The following NSG2 variants were observed in gnomAD, a reference collection of about 807,000 sequenced individuals.
The protein encoded by NSG2 is neuronal vesicle trafficking-associated protein 2.
In NSG2, 4 loss-of-function variants were observed where a neutral mutation model predicts 16.9. The ratio of observed to expected loss-of-function variants is 0.24; its 90% CI spans 0.12 to 0.54. The LOEUF is 0.54. NSG2 is among the 20% of genes least tolerant of loss of function. NSG2 has a pLI of 0.95. For synonymous variants in NSG2, 98 were observed against 88.7 expected, an observed-to-expected ratio of 1.11 and a Z score of -0.59; for missense variants, 179 against 221.1, an observed-to-expected ratio of 0.81 and a Z score of 1.21.
chr5:174,108,632 A>C lies in NSG2; in HGVS notation c.*1127A>C, dbSNP rs1161041450. The C allele has an allele frequency of 6.6e-6, 1 of 152,370 alleles. No homozygotes were observed. The highest frequency in any genetic ancestry group is 2.4e-5 in the African/African-American group (1 of 41,466). The allele number at this position is 152,370 out of a possible 1,614,324, so 9.4% of individuals were successfully genotyped here. A position where few individuals can be genotyped will look rare whatever the true frequency, so the allele number is the denominator to read the frequency against. ...AAGGGGACATTTGTCCAAACTCCCC[A>C]ACCGAGTTCTAGAAGCTCCTGACAA... is the stretch of plus-strand genomic sequence containing the variant. On this transcript the variant is annotated 3_prime_UTR_variant, in exon 5 of 5. Coordinates refer to ENST00000303177, the MANE Select transcript of NSG2 (RefSeq NM_015980.5).
intron 2 of NSG2, among the ~76,000 whole-genome samples, chr5:174,050,911 G>T (rs980786739): frequency 1.3e-5 from 2 of 152,020 alleles, no homozygotes; most frequent in African/African-American, 4.8e-5. Context: ...CCAGGGCTGT[G>T]CCTTGGTCCT....
At chr5:174,090,364 C>A (rs142692473) in intron 3 of NSG2, among the ~76,000 whole-genome samples, 1 of 152,322 alleles carries the variant, frequency 6.6e-6, no homozygotes, top group African/African-American at 2.4e-5. Context: ...TGGGCAACGT[C>A]CGCCAGGGAA....
intron 3 of NSG2, chr5:174,091,107 T>A (rs1760715296): frequency 6.6e-6 from 1 of 150,884 alleles, no homozygotes; most frequent in African/African-American, 2.4e-5. Flanking sequence ...GGAAGTAGCT[T>A]AATGGAACAA....
intron 2 of NSG2, among the ~76,000 whole-genome samples, chr5:174,061,076 A>G (rs1760042192): frequency 1.3e-5 from 2 of 152,192 alleles, no homozygotes; most frequent in Admixed American, 6.5e-5. Context: ...CTTGTGGCTC[A>G]TGCTGACCAA....
chr5:174,107,107 G>C lies in NSG2; in HGVS notation c.325-207G>C, dbSNP rs562865429. On this transcript the variant is annotated intron_variant, in intron 4 of 4. Transcript: ENST00000303177. This position sits in a 1 kb window ranked among gnomAD's most constrained non-coding sequence, Gnocchi z 4.5. Reference sequence around the variant, plus strand: ...TCAGTGTCAATATCAGGTTCAGGTCGTCTGGCTTCTTCTAAGTGGAGCTTT... The same window carrying C: ...TCAGTGTCAATATCAGGTTCAGGTCCTCTGGCTTCTTCTAAGTGGAGCTTT... Among the ~76,000 whole-genome samples, 2 of 152,128 alleles carry C rather than the reference G, an allele frequency of 1.3e-5. No individual in the cohort carries two copies. Among genetic ancestry groups the C allele is most frequent in the Non-Finnish European group, 2.9e-5 (2 of 68,026 alleles).
At chr5:174,067,250 T>C (rs1760157729) in intron 3 of NSG2, among the ~76,000 whole-genome samples, 1 of 152,210 alleles carries the variant, frequency 6.6e-6, no homozygotes, top group African/African-American at 2.4e-5. Context: ...CTTTTTCATA[T>C]CTATGTGAGA....
Position 174,061,717 on chromosome 5 carries a change from C to T in NSG2, c.130-2515C>T, listed in dbSNP as rs141159813. Among the ~76,000 whole-genome samples the T allele has an allele frequency of 6.7e-3, 1,017 of 152,230 alleles. 11 individuals are homozygous for T. Among genetic ancestry groups the T allele is most frequent in the African/African-American group, 0.024 (980 of 41,544 alleles). On this transcript the variant is annotated intron_variant, in intron 2 of 4. Coordinates refer to ENST00000303177, the MANE Select transcript of NSG2 (RefSeq NM_015980.5). The stretch of plus-strand genomic sequence containing the variant: ...CTCCCGGGTTCAAGTGATTCTCCTG[C>T]CTCAGCCTCCTGAGTAGCTGGGATT...
rs562692229 is a variant in NSG2 at position 174,066,947 on chromosome 5, G to A, written c.213+2632G>A. Reference sequence around the variant, plus strand: ...GGAGCTTGCAGTGAGCCGAGATCCCGCCACTGCACTCCAGCCTGGGCGACA... The same window carrying A: ...GGAGCTTGCAGTGAGCCGAGATCCCACCACTGCACTCCAGCCTGGGCGACA... On this transcript the variant is annotated intron_variant, in intron 3 of 4. Coordinates refer to ENST00000303177, the MANE Select transcript of NSG2 (RefSeq NM_015980.5). Among the ~76,000 whole-genome samples, 79 of 120,542 alleles carry A rather than the reference G, an allele frequency of 6.6e-4. No individual in the cohort carries two copies. In the East Asian group the frequency reaches 0.015, roughly 23 times the overall value. 79.1% of individuals were successfully genotyped at this position (120,542 alleles called of 152,430 possible).
chr5:174,063,524 TTTTATTTTA>T (rs1448034798), intron 2 of NSG2, among the ~76,000 whole-genome samples: 3 of 15,190 alleles, frequency 2.0e-4, no homozygotes, highest in African/African-American at 6.4e-4. Context: ...TAACTTTCTA[TTTTATTTTA>T]TTTTATTTTA....
At chr5:174,055,298 A>G (rs565735848) in intron 2 of NSG2, among the ~76,000 whole-genome samples, 5 of 152,322 alleles carry the variant, frequency 3.3e-5, no homozygotes, top group South Asian at 2.1e-4. Flanking sequence ...GCATTGCCAT[A>G]GAAGTGGGGA....
At position 174,103,041 on chromosome 5, in the gene NSG2, G is replaced by A. The variant is rs1363572486; in HGVS notation, c.214-1187G>A. The stretch of plus-strand genomic sequence containing the variant: ...TGACCTCAAGTGATCTTCCTACCTC[G>A]GCCTCCCAAAGTGCTGAGATTACAG... On this transcript the variant is annotated intron_variant, in intron 3 of 4. Transcript: ENST00000303177. 6.1e-5 allele frequency among the ~76,000 whole-genome samples: 9 copies of A among 148,250 alleles called. No homozygotes were observed. In the East Asian group the frequency reaches 9.9e-4, roughly 16 times the overall value.
chr5:174,101,436 C>A (rs915565923), intron 3 of NSG2, among the ~76,000 whole-genome samples: 1 of 152,162 alleles, frequency 6.6e-6, no homozygotes, highest in African/African-American at 2.4e-5. Context: ...AACCCTATAC[C>A]CCTTATCAGT....
At chr5:174,102,240 C>T (rs1054460512) in intron 3 of NSG2, among the ~76,000 whole-genome samples, 1 of 152,184 alleles carries the variant, frequency 6.6e-6, no homozygotes, top group African/African-American at 2.4e-5. Flanking sequence ...TCAAATTCCT[C>T]CCGTCCAGTA....
chr5:174,049,464 A>G (rs1759854493), intron 2 of NSG2, among the ~76,000 whole-genome samples: 1 of 152,062 alleles, frequency 6.6e-6, no homozygotes. Flanking sequence ...CACACACACA[A>G]TCACTCACAC....
intron 3 of NSG2, among the ~76,000 whole-genome samples, chr5:174,085,058 A>C (rs1262572531): frequency 1.3e-5 from 2 of 152,226 alleles, no homozygotes; most frequent in Non-Finnish European, 2.9e-5. Flanking sequence ...GCTGTGACTC[A>C]CCAGACCATC....
intron 3 of NSG2, among the ~76,000 whole-genome samples, chr5:174,066,584 A>G (rs941529398): frequency 2.6e-5 from 4 of 152,092 alleles, no homozygotes; most frequent in Admixed American, 6.5e-5. Flanking sequence ...TGTATATGAG[A>G]TACTTTCATC....
In NSG2 at chr5:174,108,979, CCCA is replaced by C. The variant is rs1410552085; in HGVS notation, c.*1475_*1477del. 2.0e-5 allele frequency: 3 copies of C among 152,802 alleles called. No individual in the cohort carries two copies. The highest frequency in any genetic ancestry group is 2.0e-4 in the Admixed American group (3 of 15,294). 9.5% of individuals were successfully genotyped at this position (152,802 alleles called of 1,614,324 possible). ...TCATCTGATTTTTCCTCCCTTCTCC[CCCA>C]ACCTCCAATCACCCTGAGTCACCTG... On this transcript the variant is annotated 3_prime_UTR_variant, in exon 5 of 5. Coordinates refer to ENST00000303177, the MANE Select transcript of NSG2 (RefSeq NM_015980.5).
chr5:174,076,024 C>T (rs1760335560), intron 3 of NSG2, among the ~76,000 whole-genome samples: 1 of 152,156 alleles, frequency 6.6e-6, no homozygotes, highest in African/African-American at 2.4e-5. Context: ...CAACCTGAAC[C>T]CAGTTTTACT....
At chr5:174,086,183 C>T (rs1380508009) in intron 3 of NSG2, among the ~76,000 whole-genome samples, 4 of 152,200 alleles carry the variant, frequency 2.6e-5, no homozygotes, top group African/African-American at 9.7e-5. Flanking sequence ...CACTCCTGGC[C>T]TCACCCTGGG....
Sources: gnomAD v4.1 joint callset for allele counts (sites outside exome capture counted in the v4.1 genomes callset) on GRCh38, gnomAD v4.1.1 for gene constraint, Gnocchi (gnomAD v3.1) non-coding constraint, MANE v1.5 for transcripts, NCBI Gene and HGNC (gene_info 2026-07-23, HGNC 2026-07-21) for gene names.